NAV1: variants seen among roughly 807,000 people sequenced by gnomAD.
The protein encoded by NAV1 is pore membrane and/or filament interacting like protein 3.
In NAV1, 18 loss-of-function variants were observed where a neutral mutation model predicts 175.2. The observed-to-expected ratio is 0.10, with a 90% confidence interval of 0.07 to 0.15. The LOEUF (loss-of-function observed/expected upper bound fraction) is 0.15, where lower values mean the gene tolerates loss of function less well. Among genes scored for constraint, NAV1 ranks in the 10% least tolerant of loss-of-function variants. The pLI, the probability that NAV1 is intolerant of heterozygous loss-of-function variation, is 1.00. For missense variants in NAV1, 1,731 were observed against 2,436.6 expected (o/e 0.71, Z 6.10); for synonymous variants, 897 against 978.7 (o/e 0.92, Z 1.56).
intron 1 of NAV1, among the ~76,000 whole-genome samples, chr1:201,544,047 G>C (rs1665597668): frequency 6.6e-6 from 1 of 152,240 alleles, no homozygotes; most frequent in South Asian, 2.1e-4. Flanking sequence ...GACTCAGAGG[G>C]CACCACGCCC....
chr1:201,786,912 A>G (rs1676793820), intron 9 of NAV1, among the ~76,000 whole-genome samples: 1 of 152,216 alleles, frequency 6.6e-6, no homozygotes, highest in Non-Finnish European at 1.5e-5. Context: ...CACCACACCC[A>G]GTACTACTAG....
chr1:201,697,860 T>C (rs1329162200), intron 1 of NAV1, among the ~76,000 whole-genome samples: 1 of 152,194 alleles, frequency 6.6e-6, no homozygotes, highest in Non-Finnish European at 1.5e-5. Context: ...AGAATGGGAT[T>C]TGGAATGAAT....
chr1:201,659,977 C>T (rs957958797), intron 1 of NAV1, among the ~76,000 whole-genome samples: 6 of 152,132 alleles, frequency 3.9e-5, no homozygotes, highest in Non-Finnish European at 7.4e-5. Context: ...CTGGTTTTGC[C>T]GTGGAGTCCA....
chr1:201,718,181 A>C lies in NAV1; in HGVS notation c.861-209A>C, dbSNP rs751470572. 6.6e-6 allele frequency among the ~76,000 whole-genome samples: 1 copy of C among 152,196 alleles called. No homozygotes were observed. The highest frequency in any genetic ancestry group is 1.5e-5 in the Non-Finnish European group (1 of 68,038). ...ACAGGATTTCTTCCCTAGCCACTTA[A>C]TTAAGATCATTTCCTTTGTCAAACA... On this transcript the variant is annotated intron_variant, in intron 2 of 29. Transcript: ENST00000367296. The surrounding 1 kb of genome is among the most constrained non-coding windows in gnomAD (Gnocchi z 4.8).
At chr1:201,723,342 T>C (rs1159928732) in intron 3 of NAV1, 3 of 152,274 alleles carry the variant, frequency 2.0e-5, no homozygotes, top group Non-Finnish European at 4.4e-5. Context: ...TTTTATCACA[T>C]GTATGATTTG....
At position 201,700,831 on chromosome 1, in the gene NAV1, GA is replaced by G. The variant is rs1203502550; in HGVS notation, c.758-11983del. On this transcript the variant is annotated intron_variant, in intron 1 of 29. Coordinates refer to ENST00000367296, the Ensembl canonical transcript of NAV1. ...TCGAGACCATCCTGGCTAACATGGT[GA>G]AACCCCGTCTCTAATAAAAATACAA... Among the ~76,000 whole-genome samples, 16 of 151,962 alleles carry G rather than the reference GA, an allele frequency of 1.1e-4. No individual in the cohort carries two copies. The East Asian group carries it at 2.9e-3, about 28-fold the overall frequency.
intron 29 of NAV1, 39 bp downstream of exon 33, chr1:201,817,324 A>G: frequency 6.3e-7 from 1 of 1,579,404 alleles, no homozygotes; most frequent in Non-Finnish European, 8.7e-7. Context: ...TAAGACTATT[A>G]TAGAACTGAA....
exon 30 of NAV1, chr1:201,821,061 G>C (rs1332388863): frequency 6.6e-6 from 1 of 152,258 alleles, no homozygotes; most frequent in African/African-American, 2.4e-5. Context: ...CCTTTTGAGA[G>C]CACACGTTCT....
chr1:201,747,544 C>G (rs545088211), intron 3 of NAV1, among the ~76,000 whole-genome samples: 1 of 152,282 alleles, frequency 6.6e-6, no homozygotes, highest in African/African-American at 2.4e-5. Context: ...GTGGCGAAGA[C>G]AGCAGAGGGT....
At position 201,810,206 on chromosome 1, in the gene NAV1, A is replaced by T; in HGVS notation, c.4561+101A>T. On this transcript the variant is annotated intron_variant, in intron 23 of 29. Coordinates refer to ENST00000367296, the Ensembl canonical transcript of NAV1. The surrounding 1 kb of genome is among the most constrained non-coding windows in gnomAD (Gnocchi z 6.0). ...TTCATTCACCAAGAACTCACTGAGA[A>T]GGTATAATATGAAGATGCTTAAGTA... is the stretch of plus-strand genomic sequence containing the variant. 2 of 1,454,966 alleles carry T rather than the reference A, an allele frequency of 1.4e-6. No homozygotes were observed. The highest frequency in any genetic ancestry group is 1.9e-5 in the Admixed American group (1 of 52,454). The allele number at this position is 1,454,966 out of a possible 1,614,324, so 90.1% of individuals were successfully genotyped here. A position where few individuals can be genotyped will look rare whatever the true frequency, so the allele number is the denominator to read the frequency against.
At chr1:201,811,743 C>T (rs1160167632) in exon 25 of NAV1, 1 of 1,606,018 alleles carries the variant, frequency 6.2e-7, no homozygotes. Context: ...CCCTCACCTG[C>T]AAGTATCATA....
At chr1:201,746,984 A>G (rs1571923683) in intron 3 of NAV1, among the ~76,000 whole-genome samples, 2 of 141,784 alleles carry the variant, frequency 1.4e-5, no homozygotes, top group African/African-American at 2.6e-5. Flanking sequence ...AGCCTGTGTG[A>G]CCCTGTCTCA....
At chr1:201,773,095 C>A (rs1185829210) in intron 3 of NAV1, among the ~76,000 whole-genome samples, 1 of 151,836 alleles carries the variant, frequency 6.6e-6, no homozygotes, top group Admixed American at 6.6e-5. Flanking sequence ...TTGAATTTAA[C>A]CCTAGGCAGA....
chr1:201,694,414 C>G lies in NAV1; in HGVS notation c.758-18403C>G, dbSNP rs1427835314. 6.6e-6 allele frequency among the ~76,000 whole-genome samples: 1 copy of G among 152,194 alleles called. No homozygotes were observed. The highest frequency in any genetic ancestry group is 1.9e-4 in the East Asian group (1 of 5,190). ...TTCTGAGCCTAGGGTGCCCCCTTTG[C>G]GTCCTCTGGCTCATTAAAGATAGAT... On this transcript the variant is annotated intron_variant, in intron 1 of 29. Transcript: ENST00000367296. This position sits in a 1 kb window ranked among gnomAD's most constrained non-coding sequence, Gnocchi z 4.2.
At chr1:201,582,115 G>A (rs1666886614) in intron 1 of NAV1, among the ~76,000 whole-genome samples, 2 of 152,246 alleles carry the variant, frequency 1.3e-5, no homozygotes, top group East Asian at 3.9e-4. Context: ...AACAGACCAG[G>A]AACAGAGCTG....
At chr1:201,709,453 C>G (rs1671805285) in intron 1 of NAV1, among the ~76,000 whole-genome samples, 1 of 152,186 alleles carries the variant, frequency 6.6e-6, no homozygotes, top group South Asian at 2.1e-4. Flanking sequence ...AACCTAGGCC[C>G]CCTCTGCAGC....
chr1:201,807,793 G>A lies in NAV1; in HGVS notation c.3649-160G>A, dbSNP rs1247426189. 2.6e-5 allele frequency among the ~76,000 whole-genome samples: 4 copies of A among 152,024 alleles called. No homozygotes were observed. Among genetic ancestry groups the A allele is most frequent in the African/African-American group, 9.7e-5 (4 of 41,396 alleles). ...GTCCTAATTTCTAGGCAACTCTTCT[G>A]TCCGTATTCTATGAATCAAGTGAAG... is the stretch of plus-strand genomic sequence containing the variant. On this transcript the variant is annotated intron_variant, in intron 17 of 29. Transcript: ENST00000367296. This position sits in a 1 kb window ranked among gnomAD's most constrained non-coding sequence, Gnocchi z 5.4.
At chr1:201,615,836 G>T (rs1326165977) in intron 2 of NAV1, among the ~76,000 whole-genome samples, 1 of 152,046 alleles carries the variant, frequency 6.6e-6, no homozygotes, top group Non-Finnish European at 1.5e-5. Context: ...TGAGCATTTG[G>T]GTGTTATTGT....
intron 3 of NAV1, among the ~76,000 whole-genome samples, chr1:201,735,927 A>G (rs1055696835): frequency 1.3e-5 from 2 of 152,148 alleles, no homozygotes; most frequent in African/African-American, 4.8e-5. Flanking sequence ...AATTCACTGA[A>G]GTCCCTCTCC....
Sources: allele counts gnomAD v4.1 joint callset (sites outside exome capture counted in the v4.1 genomes callset), GRCh38; gene constraint gnomAD v4.1.1; non-coding constraint Gnocchi (gnomAD v3.1); transcripts MANE v1.5; gene names NCBI Gene and HGNC (gene_info 2026-07-23, HGNC 2026-07-21).